The following MYOZ2 variants were observed in gnomAD, a reference collection of about 807,000 sequenced individuals.
MYOZ2 encodes myozenin-2.
A neutral mutation model predicts 25.4 loss-of-function variants in MYOZ2; 19 were observed. That is an observed-to-expected ratio of 0.75 (90% confidence interval 0.52 to 1.10). The LOEUF is 1.10. Among genes scored for constraint, MYOZ2 ranks in the 50% least tolerant of loss-of-function variants. The probability of loss-of-function intolerance (pLI) is 0.00; values close to 1 mark genes in which losing one functional copy is unlikely to be tolerated. For missense variants in MYOZ2, 270 were observed against 317.9 expected, an observed-to-expected ratio of 0.85 and a Z score of 1.15; for synonymous variants, 92 against 106.9, an observed-to-expected ratio of 0.86 and a Z score of 0.86.
chr4:119,145,420 CT>C (rs1338629459), intron 2 of MYOZ2, among the ~76,000 whole-genome samples: 4 of 147,378 alleles, frequency 2.7e-5, no homozygotes, highest in African/African-American at 1.0e-4. Flanking sequence ...TCTCAGCTCA[CT>C]GCAACCACCT....
At chr4:119,183,768 T>G (rs1487845932) in intron 5 of MYOZ2, among the ~76,000 whole-genome samples, 1 of 152,128 alleles carries the variant, frequency 6.6e-6, no homozygotes, top group Non-Finnish European at 1.5e-5. Context: ...CAAGTCATCA[T>G]TTCTTGCTTG....
At chr4:119,140,671 A>G (rs1446103665) in intron 2 of MYOZ2, among the ~76,000 whole-genome samples, 3 of 152,204 alleles carry the variant, frequency 2.0e-5, no homozygotes, top group African/African-American at 4.8e-5. Context: ...AATTCTAGCT[A>G]TGTTATTCCA....
chr4:119,160,284 A>G (rs1418022865), intron 4 of MYOZ2, among the ~76,000 whole-genome samples: 1 of 151,596 alleles, frequency 6.6e-6, no homozygotes, highest in Non-Finnish European at 1.5e-5. Flanking sequence ...CTGAGCTCCA[A>G]CCACTGTACT....
intron 5 of MYOZ2, among the ~76,000 whole-genome samples, chr4:119,181,844 A>C (rs1402463957): frequency 6.6e-6 from 1 of 152,252 alleles, no homozygotes; most frequent in Non-Finnish European, 1.5e-5. Flanking sequence ...AATCTGATTT[A>C]ATTTATATAA....
chr4:119,142,586 G>C (rs1741180767), intron 2 of MYOZ2, among the ~76,000 whole-genome samples: 1 of 152,118 alleles, frequency 6.6e-6, no homozygotes, highest in African/African-American at 2.4e-5. Context: ...ACTCTGCTCT[G>C]TTTTTCTTAT....
chr4:119,156,529 A>G (rs12650315), intron 3 of MYOZ2, among the ~76,000 whole-genome samples: 89,764 of 151,878 alleles, frequency 0.59, 28,832 homozygotes, highest in Non-Finnish European at 0.72. Flanking sequence ...GTTTAAAGTC[A>G]TAATATTTTT....
intron 5 of MYOZ2, among the ~76,000 whole-genome samples, chr4:119,183,197 C>T (rs953979413): frequency 5.9e-5 from 9 of 151,908 alleles, no homozygotes; most frequent in Non-Finnish European, 1.3e-4. Flanking sequence ...TCTTAGAGTA[C>T]AGTCTGGTAA....
At chr4:119,160,130 A>C (rs563311007) in intron 4 of MYOZ2, among the ~76,000 whole-genome samples, 1 of 152,296 alleles carries the variant, frequency 6.6e-6, no homozygotes, top group South Asian at 2.1e-4. Flanking sequence ...TAGAGAAAGA[A>C]ATCTCGCTTT....
intron 2 of MYOZ2, among the ~76,000 whole-genome samples, chr4:119,140,829 A>G (rs1303299078): frequency 1.3e-5 from 2 of 152,278 alleles, no homozygotes; most frequent in East Asian, 3.9e-4. Context: ...GTTTTTAAAT[A>G]ATATTTTTAT....
intron 5 of MYOZ2, among the ~76,000 whole-genome samples, chr4:119,178,797 G>A (rs556343980): frequency 1.2e-4 from 18 of 152,230 alleles, no homozygotes; most frequent in Admixed American, 1.0e-3. Context: ...AGTAGAAACA[G>A]CATTTTGTCA....
At chr4:119,138,779 G>T (rs545947051) in intron 2 of MYOZ2, among the ~76,000 whole-genome samples, 12 of 152,042 alleles carry the variant, frequency 7.9e-5, no homozygotes, top group African/African-American at 2.9e-4. Flanking sequence ...AAAACATTTA[G>T]CTTGGAGGAG....
rs182118530 is a variant in MYOZ2 at position 119,177,210 on chromosome 4, A to C, written c.561-8756A>C. Among the ~76,000 whole-genome samples the C allele has an allele frequency of 7.2e-5, 11 of 152,232 alleles. No homozygotes were observed. The East Asian group carries it at 1.7e-3, about 24-fold the overall frequency. ...CGCCATTATGATCATTCCATTTTAC[A>C]CACATCTCATCTTCCTCTCGTCTCT... On this transcript the variant is annotated intron_variant, in intron 5 of 5. Transcript: ENST00000307128.
chr4:119,167,001 T>A (rs1004848603), intron 5 of MYOZ2, among the ~76,000 whole-genome samples: 5 of 152,126 alleles, frequency 3.3e-5, no homozygotes, highest in African/African-American at 1.2e-4. Flanking sequence ...TTAAGCCAAT[T>A]AATAACCCTA....
At chr4:119,171,552 T>C (rs1442867625) in intron 5 of MYOZ2, among the ~76,000 whole-genome samples, 1 of 151,794 alleles carries the variant, frequency 6.6e-6, no homozygotes. Context: ...TAAAATAATT[T>C]TCAGGTATAA....
intron 4 of MYOZ2, among the ~76,000 whole-genome samples, chr4:119,159,948 T>C (rs1332174879): frequency 6.6e-6 from 1 of 152,182 alleles, no homozygotes; most frequent in Non-Finnish European, 1.5e-5. Flanking sequence ...ACAAAAGTTA[T>C]GGCAGAAAAG....
intron 5 of MYOZ2, among the ~76,000 whole-genome samples, chr4:119,171,473 A>G (rs1279274477): frequency 6.6e-6 from 1 of 151,982 alleles, no homozygotes; most frequent in African/African-American, 2.4e-5. Flanking sequence ...GGGTCTTTAT[A>G]AACTAAATGT....
chr4:119,137,756 C>T (rs928775003), intron 2 of MYOZ2, among the ~76,000 whole-genome samples: 4 of 152,074 alleles, frequency 2.6e-5, no homozygotes, highest in Admixed American at 6.6e-5. Flanking sequence ...AGTCAGATAC[C>T]AGAACTGAAT....
chr4:119,151,727 A>T (rs1741453977), intron 3 of MYOZ2, among the ~76,000 whole-genome samples: 1 of 152,224 alleles, frequency 6.6e-6, no homozygotes, highest in Non-Finnish European at 1.5e-5. Flanking sequence ...ATGGCTTTAA[A>T]ATTCAAATGG....
rs1215550950 is a variant in MYOZ2, at chr4:119,150,995, A to G, written c.200A>G (p.Lys67Arg). 1.9e-6 allele frequency: 3 copies of G among 1,613,546 alleles called. No individual in the cohort carries two copies. The highest frequency in any genetic ancestry group is 2.7e-5 in the African/African-American group (2 of 74,910). Residue 67 changes from lysine (K) to arginine (R), a missense_variant, in exon 3 of 6, where the codon AAA becomes AGA. Transcript: ENST00000307128. ...LFKMRQRRSD[K>R]YTFENFQYQS... Reference sequence around the variant, plus strand: ...AAGATGCGTCAAAGAAGATCTGACAAATACACATTTGAAAATTTCCAGTAT... The same window carrying G: ...AAGATGCGTCAAAGAAGATCTGACAGATACACATTTGAAAATTTCCAGTAT...
Sources: gnomAD v4.1 joint callset for allele counts (sites outside exome capture counted in the v4.1 genomes callset) on GRCh38, gnomAD v4.1.1 for gene constraint, MANE v1.5 for transcripts, NCBI Gene and HGNC (gene_info 2026-07-23, HGNC 2026-07-21) for gene names.